The following ASIC2 variants were observed in gnomAD, a reference collection of about 807,000 sequenced individuals.
The protein encoded by ASIC2 is acid sensing ion channel subunit 2, also known as acid-sensing ion channel 2.
A neutral mutation model predicts 57.3 loss-of-function variants in ASIC2; 25 were observed. That is an observed-to-expected ratio of 0.44 (90% CI 0.32 to 0.61). The LOEUF is 0.61. ASIC2 is among the 20% of genes least tolerant of loss of function. The pLI is 0.06. For synonymous variants in ASIC2, 319 were observed against 307.5 expected (o/e 1.04, Z -0.39); for missense variants, 641 against 738.1 (o/e 0.87, Z 1.52).
At chr17:33,590,587 T>TACACCACACCCCA (rs1322952121) in intron 1 of ASIC2, among the ~76,000 whole-genome samples, 6 of 150,212 alleles carry the variant, frequency 4.0e-5, no homozygotes, top group Non-Finnish European at 8.8e-5. Flanking sequence ...CCCCAATCTC[T>TACACCACACCCCA]ATACCACACC....
At chr17:33,546,386 G>T (rs543712440) in intron 1 of ASIC2, among the ~76,000 whole-genome samples, 1 of 152,200 alleles carries the variant, frequency 6.6e-6, no homozygotes, top group East Asian at 1.9e-4. Flanking sequence ...ATGGAGATAG[G>T]AGAAATGCAT....
At chr17:33,523,269 C>A (rs767771895) in intron 1 of ASIC2, among the ~76,000 whole-genome samples, 16 of 152,030 alleles carry the variant, frequency 1.1e-4, no homozygotes, top group African/African-American at 1.2e-4. Context: ...TATGTATTTA[C>A]TTTTTGAGAT....
rs575731352 is a variant in ASIC2 at position 33,211,101 on chromosome 17, A to T, written c.708+80307T>A. On this transcript the variant is annotated intron_variant, in intron 1 of 9. Transcript: ENST00000225823. The stretch of plus-strand genomic sequence containing the variant: ...TAATGAGTCCAGGCTTGAAGAACAA[A>T]GAGGATTTTCAGTAGTGGAAAATGG... 9.2e-5 allele frequency among the ~76,000 whole-genome samples: 11 copies of T among 119,524 alleles called. No individual in the cohort carries two copies. The East Asian group carries it at 2.7e-3, about 30-fold the overall frequency. The allele number at this position is 119,524 out of a possible 152,430, so 78.4% of individuals were successfully genotyped here.
chr17:33,622,803 T>G (rs1905842378), intron 1 of ASIC2, among the ~76,000 whole-genome samples: 1 of 152,186 alleles, frequency 6.6e-6, no homozygotes, highest in Non-Finnish European at 1.5e-5. Flanking sequence ...ATACTGACCA[T>G]GCTGTCAACC....
At chr17:33,041,409 C>G (rs1403966890) in intron 3 of ASIC2, among the ~76,000 whole-genome samples, 2 of 152,194 alleles carry the variant, frequency 1.3e-5, no homozygotes, top group Admixed American at 1.3e-4. Flanking sequence ...TAATTGCCAT[C>G]CTCCTCTCAG....
chr17:33,405,746 T>A (rs1355308520), intron 1 of ASIC2, among the ~76,000 whole-genome samples: 1 of 151,972 alleles, frequency 6.6e-6, no homozygotes, highest in Non-Finnish European at 1.5e-5. Flanking sequence ...CCTCCCAAAG[T>A]GCTGGGATTA....
At chr17:33,881,364 A>T (rs1181949661) in intron 1 of ASIC2, among the ~76,000 whole-genome samples, 1 of 152,214 alleles carries the variant, frequency 6.6e-6, no homozygotes, top group Non-Finnish European at 1.5e-5. Flanking sequence ...AGAAAACCCC[A>T]TCGTCTCAGC....
At chr17:33,528,138 C>A (rs1159772980) in intron 1 of ASIC2, among the ~76,000 whole-genome samples, 1 of 91,394 alleles carries the variant, frequency 1.1e-5, no homozygotes, top group Non-Finnish European at 2.5e-5. Flanking sequence ...GGATTCAAAC[C>A]TGGGCCTGGC....
chr17:33,345,222 A>C (rs1782751839), intron 1 of ASIC2, among the ~76,000 whole-genome samples: 1 of 152,226 alleles, frequency 6.6e-6, no homozygotes, highest in Admixed American at 6.5e-5. Context: ...ATGCAATGTC[A>C]GAGATTAGCA....
chr17:33,662,654 A>C (rs1224240850), intron 1 of ASIC2, among the ~76,000 whole-genome samples: 18 of 145,290 alleles, frequency 1.2e-4, no homozygotes, highest in Middle Eastern at 6.9e-3. Flanking sequence ...TAAATAAATA[A>C]ATAAATAAAT....
rs535208576 is a variant in ASIC2 at position 33,317,822 on chromosome 17, G to A, written c.556-205755C>T. Among the ~76,000 whole-genome samples, 421 of 152,106 alleles carry A rather than the reference G, an allele frequency of 2.8e-3. 6 individuals are homozygous for A. The highest frequency in any genetic ancestry group is 9.7e-3 in the African/African-American group (403 of 41,516). ...ACTAGGAAATCCAAGAGGACTTCAC[G>A]GAGGAGATGGAATTTCAGCTGGGCT... On this transcript the variant is annotated intron_variant, in intron 1 of 9. Transcript: ENST00000359872.
At chr17:33,174,810 G>A (rs1448210018) in intron 1 of ASIC2, among the ~76,000 whole-genome samples, 1 of 152,144 alleles carries the variant, frequency 6.6e-6, no homozygotes, top group Non-Finnish European at 1.5e-5. Context: ...ATCTACATAG[G>A]ACATGTAACG....
intron 1 of ASIC2, among the ~76,000 whole-genome samples, chr17:33,646,424 G>T (rs764544199): frequency 2.6e-5 from 4 of 152,170 alleles, no homozygotes; most frequent in Non-Finnish European, 5.9e-5. Flanking sequence ...GGGCTTGGAA[G>T]GGGAAAAGAA....
chr17:33,299,692 G>A (rs549705407), intron 1 of ASIC2, among the ~76,000 whole-genome samples: 2 of 152,120 alleles, frequency 1.3e-5, no homozygotes, highest in South Asian at 2.1e-4. Flanking sequence ...CAATTCCCAG[G>A]TATAAGAGGT....
intron 2 of ASIC2, among the ~76,000 whole-genome samples, chr17:33,110,057 G>C (rs893240070): frequency 3.9e-5 from 6 of 152,058 alleles, no homozygotes; most frequent in African/African-American, 1.5e-4. Context: ...GTCTGTGTGT[G>C]TGTGTGTGTG....
chr17:33,493,441 AG>A (rs1913823594), intron 1 of ASIC2, among the ~76,000 whole-genome samples: 1 of 152,200 alleles, frequency 6.6e-6, no homozygotes, highest in African/African-American at 2.4e-5. Context: ...TCTCTCAACC[AG>A]GAAACAGATT....
At chr17:34,133,029 G>A (rs1401898936) in intron 1 of ASIC2, among the ~76,000 whole-genome samples, 1 of 152,146 alleles carries the variant, frequency 6.6e-6, no homozygotes, top group Non-Finnish European at 1.5e-5. Flanking sequence ...AGAGGGAACT[G>A]AGATGATATA....
chr17:33,259,188 A>G (rs1909190605), intron 1 of ASIC2, among the ~76,000 whole-genome samples: 1 of 152,188 alleles, frequency 6.6e-6, no homozygotes, highest in Non-Finnish European at 1.5e-5. Flanking sequence ...GTTTTGAAAC[A>G]CCAAAGGCAC....
At chr17:34,041,123 G>A (rs903115460) in intron 1 of ASIC2, 5 of 152,250 alleles carry the variant, frequency 3.3e-5, no homozygotes, top group Admixed American at 2.6e-4. Flanking sequence ...CTATGCTCTG[G>A]AGGGGGATGC....
Sources: allele counts gnomAD v4.1 joint callset (sites outside exome capture counted in the v4.1 genomes callset), GRCh38; gene constraint gnomAD v4.1.1; transcripts MANE v1.5; gene names NCBI Gene and HGNC (gene_info 2026-07-23, HGNC 2026-07-21).